The following KIF21A variants were observed in gnomAD, a reference collection of about 807,000 sequenced individuals.
The protein encoded by KIF21A is kinesin family member 21A.
Under a neutral mutation model 202.9 loss-of-function variants are expected in KIF21A, and 114 were observed. That is an observed-to-expected ratio of 0.56 (90% CI 0.48 to 0.66). The LOEUF (loss-of-function observed/expected upper bound fraction) is 0.66. Among genes scored for constraint, KIF21A ranks in the 30% least tolerant of loss-of-function variants. KIF21A has a pLI of 0.00. For missense variants in KIF21A, 1,677 were observed against 1,994.9 expected (o/e 0.84, Z 3.04); for synonymous variants, 667 against 670.8 (o/e 0.99, Z 0.09).
At chr12:39,439,675 C>T (rs1034311356) in intron 1 of KIF21A, among the ~76,000 whole-genome samples, 14 of 152,096 alleles carry the variant, frequency 9.2e-5, no homozygotes, top group Admixed American at 3.3e-4. Context: ...ATAATTCAAG[C>T]GCTTAATAGC....
chr12:39,405,976 T>C (rs978881374), intron 1 of KIF21A, among the ~76,000 whole-genome samples: 7 of 152,190 alleles, frequency 4.6e-5, no homozygotes, highest in Non-Finnish European at 2.9e-5. Context: ...CCCTTTAGCT[T>C]ATATGTAAAG....
intron 7 of KIF21A, among the ~76,000 whole-genome samples, chr12:39,362,469 A>C (rs1214903508): frequency 6.6e-6 from 1 of 152,150 alleles, no homozygotes; most frequent in Non-Finnish European, 1.5e-5. Flanking sequence ...TGTAAAGCCA[A>C]CATATTTACA....
At chr12:39,389,232 G>A (rs780107878) in intron 1 of KIF21A, among the ~76,000 whole-genome samples, 1 of 149,068 alleles carries the variant, frequency 6.7e-6, no homozygotes, top group African/African-American at 2.5e-5. Flanking sequence ...ACATGCTGAT[G>A]TCTCCTGAAA....
At chr12:39,428,742 G>T (rs1346575492) in intron 1 of KIF21A, among the ~76,000 whole-genome samples, 1 of 152,142 alleles carries the variant, frequency 6.6e-6, no homozygotes, top group Non-Finnish European at 1.5e-5. Flanking sequence ...GGCGGATCAT[G>T]AGGTCAGGAG....
rs564841062 is a variant in KIF21A, at chr12:39,442,270, C to A, written c.44+657G>T. Among the ~76,000 whole-genome samples, 1 of 152,256 alleles carries A rather than the reference C, an allele frequency of 6.6e-6. No homozygotes were observed. Among genetic ancestry groups the A allele is most frequent in the African/African-American group, 2.4e-5 (1 of 41,548 alleles). ...AGTTTTCCTCCTTCTGTAGACCTCT[C>A]CCCAGTGGATTTTACCTTAAATTCC... On this transcript the variant is annotated intron_variant, in intron 1 of 37. Coordinates refer to ENST00000361418, the MANE Select transcript of KIF21A (RefSeq NM_001173464.2). This position sits in a 1 kb window ranked among gnomAD's most constrained non-coding sequence, Gnocchi z 5.0.
chr12:39,342,791 G>C (rs1011664962), intron 12 of KIF21A, among the ~76,000 whole-genome samples: 166 of 152,112 alleles, frequency 1.1e-3, no homozygotes, highest in African/African-American at 3.8e-3. Flanking sequence ...AAAATTTCAG[G>C]GTCTGCCGCA....
rs1301893056 is a variant in KIF21A, at chr12:39,294,295, T to C, written c.*129A>G. Reference sequence around the variant, plus strand: ...TTAGAATACCATTTATAGTCAGCAGTTGAATTCAGATATATTTTCCAGTTA... The same window carrying C: ...TTAGAATACCATTTATAGTCAGCAGCTGAATTCAGATATATTTTCCAGTTA... On this transcript the variant is annotated 3_prime_UTR_variant, in exon 38 of 38. Coordinates refer to ENST00000361418, the MANE Select transcript of KIF21A (RefSeq NM_001173464.2). 2 of 710,958 alleles carry C rather than the reference T, an allele frequency of 2.8e-6. No individual in the cohort carries two copies. The highest frequency in any genetic ancestry group is 3.5e-5 in the African/African-American group (2 of 57,094). 44.0% of individuals were successfully genotyped at this position (710,958 alleles called of 1,614,324 possible).
chr12:39,413,658 A>C (rs1418140980), intron 1 of KIF21A, among the ~76,000 whole-genome samples: 1 of 152,222 alleles, frequency 6.6e-6, no homozygotes, highest in East Asian at 1.9e-4. Flanking sequence ...AGGCACAGTG[A>C]CTAATGCCTG....
At chr12:39,319,877 C>T in intron 28 of KIF21A, 29 bp downstream of exon 28, 2 of 1,256,160 alleles carry the variant, frequency 1.6e-6, no homozygotes, top group East Asian at 4.7e-5. Flanking sequence ...TTAATACAGT[C>T]TAGCAGGTAA....
intron 1 of KIF21A, among the ~76,000 whole-genome samples, chr12:39,383,590 T>C (rs934352785): frequency 6.6e-6 from 1 of 152,188 alleles, no homozygotes; most frequent in Non-Finnish European, 1.5e-5. Flanking sequence ...CTTAAGCTCC[T>C]GACAACTGGG....
intron 1 of KIF21A, among the ~76,000 whole-genome samples, chr12:39,441,166 C>G (rs1253130494): frequency 6.6e-6 from 1 of 151,994 alleles, no homozygotes; most frequent in Admixed American, 6.6e-5. Flanking sequence ...AAAATCAAAC[C>G]CACATTCATT....
intron 3 of KIF21A, 28 bp downstream of exon 3, chr12:39,369,701 G>T (rs751962914): frequency 2.5e-6 from 4 of 1,585,060 alleles, no homozygotes; most frequent in Middle Eastern, 2.1e-4. Flanking sequence ...AAATTTAAAA[G>T]AAATTAATGC....
At chr12:39,393,154 C>G (rs908256739) in intron 1 of KIF21A, among the ~76,000 whole-genome samples, 15 of 151,970 alleles carry the variant, frequency 9.9e-5, no homozygotes, top group African/African-American at 3.4e-4. Context: ...TCAGCTGTCT[C>G]AGCCTCGCCT....
chr12:39,316,733 T>A (rs567326216), intron 29 of KIF21A, among the ~76,000 whole-genome samples: 6 of 152,298 alleles, frequency 3.9e-5, no homozygotes, highest in African/African-American at 1.4e-4. Context: ...TGGGATATGG[T>A]TGCTTCAAAA....
At chr12:39,308,620 G>A (rs1943707000) in intron 33 of KIF21A, among the ~76,000 whole-genome samples, 1 of 152,002 alleles carries the variant, frequency 6.6e-6, no homozygotes, top group African/African-American at 2.4e-5. Flanking sequence ...CATAACGTAT[G>A]CCTATTTCTT....
chr12:39,430,024 C>G (rs1037983779), intron 1 of KIF21A, among the ~76,000 whole-genome samples: 4 of 151,844 alleles, frequency 2.6e-5, no homozygotes, highest in African/African-American at 9.7e-5. Flanking sequence ...AGTGGCCATC[C>G]GAAATTCTGA....
intron 1 of KIF21A, among the ~76,000 whole-genome samples, chr12:39,401,908 T>C (rs542000991): frequency 3.3e-5 from 5 of 152,336 alleles, no homozygotes; most frequent in Admixed American, 2.6e-4. Context: ...ATTTGAACCA[T>C]TGATTCAATA....
At chr12:39,332,816 C>G in intron 19 of KIF21A, 72 bp from the exon 20 acceptor site, 1 of 1,602,380 alleles carries the variant, frequency 6.2e-7, no homozygotes, top group South Asian at 1.1e-5. Flanking sequence ...AAATAATGAG[C>G]CATTTTTTCA....
At chr12:39,368,363 A>G (rs1196959725) in intron 3 of KIF21A, among the ~76,000 whole-genome samples, 3 of 152,190 alleles carry the variant, frequency 2.0e-5, no homozygotes, top group Non-Finnish European at 4.4e-5. Context: ...AATGTGGACA[A>G]ATCTTAAGCT....
Sources: allele counts gnomAD v4.1 joint callset (sites outside exome capture counted in the v4.1 genomes callset), GRCh38; gene constraint gnomAD v4.1.1; non-coding constraint Gnocchi (gnomAD v3.1); transcripts MANE v1.5; gene names NCBI Gene and HGNC (gene_info 2026-07-23, HGNC 2026-07-21).